CYREN: variants seen among roughly 807,000 people sequenced by gnomAD.
CYREN encodes cell cycle regulator of non-homologous end joining.
In CYREN, 7 loss-of-function variants were observed where a neutral mutation model predicts 9.7. That is an observed-to-expected ratio of 0.72 (90% CI 0.41 to 1.36). The LOEUF (loss-of-function observed/expected upper bound fraction) is 1.36. Among genes scored for constraint, CYREN ranks in the 40% most tolerant of loss-of-function variants. The pLI is 0.01. For missense variants in CYREN, 215 were observed against 198.1 expected, an observed-to-expected ratio of 1.09 and a Z score of -0.51; for synonymous variants, 76 against 77.9, an observed-to-expected ratio of 0.98 and a Z score of 0.13.
At chr7:135,163,634 G>A (rs1050849402), downstream of CYREN, among the ~76,000 whole-genome samples, 2 of 152,152 alleles carry the variant, frequency 1.3e-5, no homozygotes, top group African/African-American at 2.4e-5. Flanking sequence ...GACAGAGTGA[G>A]GCTCCATCTC....
chr7:135,168,291 A>ACCACCCCCACCCCC (rs1554392990), intron 2 of CYREN: 1 of 6,354 alleles, frequency 1.6e-4, no homozygotes, highest in African/African-American at 5.1e-4. Flanking sequence ...GAGACTCACC[A>ACCACCCCCACCCCC]CCCCCCCCCC....
At chr7:135,164,181 C>T (rs1290994243), downstream of CYREN, among the ~76,000 whole-genome samples, 1 of 152,222 alleles carries the variant, frequency 6.6e-6, no homozygotes. Context: ...TTCACACTTT[C>T]AAAGCTGCTT....
At chr7:135,172,050 C>T (rs1407638223), upstream of CYREN, among the ~76,000 whole-genome samples, 2 of 152,070 alleles carry the variant, frequency 1.3e-5, no homozygotes, top group African/African-American at 4.8e-5. Context: ...CCTGTATTGA[C>T]ATCTTTGTTC....
chr7:135,101,094 C>G (rs184117522), intron 2 of CYREN: 3 of 442,992 alleles, frequency 6.8e-6, no homozygotes, highest in African/African-American at 4.0e-5. Context: ...CAAAGTATGA[C>G]TCAGAGTCAT....
chr7:135,144,220 G>A (rs1174491441), intron 2 of CYREN, among the ~76,000 whole-genome samples: 2 of 152,122 alleles, frequency 1.3e-5, no homozygotes, highest in African/African-American at 4.8e-5. Context: ...GGAGAGTCAA[G>A]CTGAAGTTGA....
At chr7:135,149,703 T>C (rs1742950423) in intron 2 of CYREN, among the ~76,000 whole-genome samples, 1 of 152,226 alleles carries the variant, frequency 6.6e-6, no homozygotes, top group African/African-American at 2.4e-5. Context: ...TTACCTACAG[T>C]GTTGATAGGG....
At chr7:135,128,361 A>C in intron 2 of CYREN, 1 of 400,688 alleles carries the variant, frequency 2.5e-6, no homozygotes, top group Non-Finnish European at 4.5e-6. Flanking sequence ...GTAAACTGTC[A>C]TGGCCCTGGT....
At chr7:135,150,544 G>A (rs559590730) in intron 2 of CYREN, among the ~76,000 whole-genome samples, 31 of 152,254 alleles carry the variant, frequency 2.0e-4, no homozygotes, top group African/African-American at 6.3e-4. Context: ...CTGACCCCAC[G>A]AGTCGAAGTG....
At chr7:135,098,596 T>C (rs1823281482) in intron 2 of CYREN, among the ~76,000 whole-genome samples, 1 of 152,162 alleles carries the variant, frequency 6.6e-6, no homozygotes, top group South Asian at 2.1e-4. Context: ...TGTCATTGCA[T>C]TGGAATGATA....
chr7:135,130,726 T>A (rs1405183969), intron 2 of CYREN, among the ~76,000 whole-genome samples: 1 of 152,200 alleles, frequency 6.6e-6, no homozygotes, highest in East Asian at 1.9e-4. Context: ...ACCACTGTAG[T>A]TCCAGTCCTA....
intron 2 of CYREN, chr7:135,134,749 G>T (rs951494812): frequency 8.3e-7 from 1 of 1,208,936 alleles, no homozygotes; most frequent in African/African-American, 1.5e-5. Context: ...CTTACTAAAA[G>T]GAAAAATATT....
chr7:135,110,202 C>T (rs371091447), intron 2 of CYREN, among the ~76,000 whole-genome samples: 34 of 152,262 alleles, frequency 2.2e-4, no homozygotes, highest in African/African-American at 7.5e-4. Flanking sequence ...AGGTACAACA[C>T]TGCTACCACT....
At chr7:135,113,135 A>G (rs1825873970) in intron 2 of CYREN, among the ~76,000 whole-genome samples, 1 of 152,248 alleles carries the variant, frequency 6.6e-6, no homozygotes, top group Admixed American at 6.5e-5. Context: ...AACTGTAAAT[A>G]AGTTCATTTC....
intron 2 of CYREN, among the ~76,000 whole-genome samples, chr7:135,107,653 A>G (rs1443432774): frequency 1.3e-5 from 2 of 152,168 alleles, no homozygotes; most frequent in Admixed American, 6.6e-5. Context: ...TCAATTTTAG[A>G]GTATGTACCA....
At position 135,167,774 on chromosome 7, in the gene CYREN, A is replaced by T; in HGVS notation, c.171T>A (p.Asn57Lys). 1 of 1,614,202 alleles carries T rather than the reference A, an allele frequency of 6.2e-7. No individual in the cohort carries two copies. Among genetic ancestry groups the T allele is most frequent in the Non-Finnish European group, 8.5e-7 (1 of 1,180,038 alleles). ...GAGCAACATCAACTATCTCAGCCTC[A>T]TTCATGCAGTACACAGTCCTTGTCG... ...LPATRTVYCM[N>K]EAEIVDVALG... Residue 57 changes from asparagine (N) to lysine (K), a missense_variant, in exon 3 of 4, where the codon AAT (asparagine) becomes AAA (lysine). Coordinates refer to ENST00000393114, the MANE Select transcript of CYREN (RefSeq NM_024033.4).
At chr7:135,150,168 T>G (rs1412132819) in intron 2 of CYREN, among the ~76,000 whole-genome samples, 2 of 152,202 alleles carry the variant, frequency 1.3e-5, no homozygotes, top group African/African-American at 4.8e-5. Context: ...GATGAGGACC[T>G]AAAATAGTTT....
intron 2 of CYREN, among the ~76,000 whole-genome samples, chr7:135,109,560 AAGGTACCAACAAT>A (rs1825304984): frequency 6.6e-6 from 1 of 151,826 alleles, no homozygotes; most frequent in South Asian, 2.1e-4. Flanking sequence ...TCAGCACCTG[AAGGTACCAACAAT>A]GAAGGTCGTG....
chr7:135,166,248 G>A lies in CYREN; in HGVS notation c.*363C>T, dbSNP rs1295787160. On this transcript the variant is annotated 3_prime_UTR_variant, in exon 4 of 4. Transcript: ENST00000393114. ...GTGATCCTTTTCTTTGCAAAGTACT[G>A]TCTCTTTGGTTCCAGTAAGTTGGAC... 3 of 195,856 alleles carry A rather than the reference G, an allele frequency of 1.5e-5. No homozygotes were observed. The highest frequency in any genetic ancestry group is 3.1e-5 in the Non-Finnish European group (3 of 97,030). 12.1% of individuals were successfully genotyped at this position (195,856 alleles called of 1,614,324 possible).
chr7:135,121,875 G>A (rs973695508), intron 2 of CYREN, among the ~76,000 whole-genome samples: 14 of 152,254 alleles, frequency 9.2e-5, no homozygotes, highest in Admixed American at 4.6e-4. Flanking sequence ...CGGGGAAACC[G>A]TGCTTTTTCC....
Sources: gnomAD v4.1 joint callset for allele counts (sites outside exome capture counted in the v4.1 genomes callset) on GRCh38, gnomAD v4.1.1 for gene constraint, MANE v1.5 for transcripts, NCBI Gene and HGNC (gene_info 2026-07-23, HGNC 2026-07-21) for gene names.